The following EVL variants were observed in gnomAD, a reference collection of about 807,000 sequenced individuals.
EVL encodes Enah/Vasp-like.
EVL carries 21 observed loss-of-function variants against 59.6 expected under a neutral mutation model. That is an observed-to-expected ratio of 0.35 (90% CI 0.25 to 0.51). The LOEUF is 0.51. EVL is among the 20% of genes least tolerant of loss of function. The pLI, the probability that EVL is intolerant of heterozygous loss-of-function variation, is 0.97. For synonymous variants in EVL, 198 were observed against 203.5 expected (o/e 0.97, Z 0.23); for missense variants, 462 against 546.6 (o/e 0.85, Z 1.54).
At chr14:100,141,674 C>T (rs2140410507) in intron 12 of EVL, 62 bp from the exon 13 acceptor site, 1 of 1,562,764 alleles carries the variant, frequency 6.4e-7, no homozygotes, top group Non-Finnish European at 8.8e-7. Context: ...CATGGCCCAG[C>T]CCAGGCCGGC....
At chr14:99,980,811 T>C (rs1481552047) in intron 1 of EVL, among the ~76,000 whole-genome samples, 2 of 152,250 alleles carry the variant, frequency 1.3e-5, no homozygotes, top group Non-Finnish European at 2.9e-5. Flanking sequence ...GTGATTTTAA[T>C]TTGAGCGGCA....
chr14:100,076,715 A>G (rs1486679869), intron 1 of EVL, among the ~76,000 whole-genome samples: 1 of 152,220 alleles, frequency 6.6e-6, no homozygotes, highest in East Asian at 1.9e-4. Context: ...GGCCTGAGCC[A>G]CAGCAGAGGC....
At chr14:100,074,795 G>C (rs948822931) in intron 1 of EVL, 7 of 152,682 alleles carry the variant, frequency 4.6e-5, no homozygotes, top group African/African-American at 1.7e-4. Context: ...GCCATGCGGT[G>C]TCATGGCAGC....
chr14:100,061,723 G>A (rs1291550555), upstream of EVL, among the ~76,000 whole-genome samples: 1 of 152,052 alleles, frequency 6.6e-6, no homozygotes, highest in Non-Finnish European at 1.5e-5. Flanking sequence ...AACATAAGCA[G>A]TTGGTTAATA....
chr14:100,010,408 G>A (rs2061009280), intron 1 of EVL, among the ~76,000 whole-genome samples: 1 of 152,078 alleles, frequency 6.6e-6, no homozygotes, highest in East Asian at 1.9e-4. Context: ...GGTTGGTTTT[G>A]TTTGTTTGTT....
In EVL at chr14:100,126,736, G is replaced by A. The variant is rs750787699; in HGVS notation, c.452G>A (p.Arg151His). Residue 151 changes from arginine (R) to histidine (H), a missense_variant, in exon 5 of 14, where the codon CGT becomes CAT. By Grantham distance (29) the Arg-to-His change is conservative. Coordinates refer to ENST00000392920, the MANE Select transcript of EVL (RefSeq NM_016337.3). ...GTGATGGAGCAGCACCAGCAGCAGC[G>A]TCAGGAATCTCTAGAAAGAAGAACC... ...RQVMEQHQQQ[R>H]QESLERRTSA... The A allele has an allele frequency of 2.5e-5, 40 of 1,613,994 alleles. No individual in the cohort carries two copies. The highest frequency in any genetic ancestry group is 3.3e-5 in the South Asian group (3 of 91,090).
intron 1 of EVL, chr14:99,977,121 C>A (rs2060775702): frequency 6.6e-6 from 1 of 152,146 alleles, no homozygotes; most frequent in Non-Finnish European, 1.5e-5. Context: ...AACAGTGACA[C>A]CTATTTTCTT....
chr14:100,090,364 A>T lies in EVL; in HGVS notation c.180+5509A>T, dbSNP rs191969864. Reference sequence around the variant, plus strand: ...TAGATAAGATGGACATATTCCTTGAAAAACATAAAGAAGAAACAATGCCAG... The same window carrying T: ...TAGATAAGATGGACATATTCCTTGATAAACATAAAGAAGAAACAATGCCAG... On this transcript the variant is annotated intron_variant, in intron 2 of 13. Coordinates refer to ENST00000392920, the MANE Select transcript of EVL (RefSeq NM_016337.3). 1.1e-3 allele frequency among the ~76,000 whole-genome samples: 163 copies of T among 152,346 alleles called. 1 individual carries two copies. Among genetic ancestry groups the T allele is most frequent in the Admixed American group, 3.2e-3 (49 of 15,308 alleles).
intron 1 of EVL, among the ~76,000 whole-genome samples, chr14:100,028,142 T>TTTTTG (rs1566974660): frequency 3.3e-4 from 48 of 144,432 alleles, no homozygotes; most frequent in East Asian, 1.2e-3. Flanking sequence ...TTGTTTTTTT[T>TTTTTG]TTTTTTTTTG....
At chr14:100,137,187 A>G in intron 9 of EVL, 1 of 261,090 alleles carries the variant, frequency 3.8e-6, no homozygotes, top group Non-Finnish European at 7.4e-6. Context: ...GAGGCAGACT[A>G]AGGAGCCCCT....
intron 1 of EVL, among the ~76,000 whole-genome samples, chr14:99,983,482 A>G (rs2060821295): frequency 6.6e-6 from 1 of 152,176 alleles, no homozygotes; most frequent in Non-Finnish European, 1.5e-5. Flanking sequence ...TGGAACTTAA[A>G]GAGACAGTGG....
chr14:100,097,459 TTC>T lies in EVL; in HGVS notation c.181-15_181-14del, dbSNP rs1885897050. 1.1e-5 allele frequency: 17 copies of T among 1,586,158 alleles called. No homozygotes were observed. Among genetic ancestry groups the T allele is most frequent in the Non-Finnish European group, 1.5e-5 (17 of 1,165,536 alleles). On this transcript the variant is annotated intron_variant, in intron 2 of 13. Coordinates refer to ENST00000392920, the MANE Select transcript of EVL (RefSeq NM_016337.3). ...TTACATTTTATTTATTTACACGTAT[TTC>T]TCTCTCCTTTCTCCTCCAGGTTGTG... is the stretch of plus-strand genomic sequence containing the variant.
intron 1 of EVL, among the ~76,000 whole-genome samples, chr14:100,024,644 G>A (rs908315423): frequency 3.3e-5 from 5 of 152,122 alleles, no homozygotes; most frequent in Admixed American, 6.6e-5. Flanking sequence ...CCTCTTCACT[G>A]GTTGTATCTC....
intron 1 of EVL, among the ~76,000 whole-genome samples, chr14:100,030,329 C>G (rs537494230): frequency 1.3e-5 from 2 of 151,884 alleles, no homozygotes; most frequent in African/African-American, 2.4e-5. Flanking sequence ...CTCAAACTCC[C>G]GACCTCAGGT....
rs73345502 is a variant in EVL, at chr14:100,028,200, T to C, written c.5+56143T>C. On this transcript the variant is annotated intron_variant, in intron 1 of 13. Transcript: ENST00000402714. ...AGTGTCCACAGTGGCTGTACTAATTTATATTCTCACCAGCAGTGTACAAGG... is the reference window on the plus strand; with the variant it reads ...AGTGTCCACAGTGGCTGTACTAATTCATATTCTCACCAGCAGTGTACAAGG... Among the ~76,000 whole-genome samples the C allele has an allele frequency of 8.6e-3, 1,301 of 151,222 alleles. 29 individuals are homozygous for C. Among genetic ancestry groups the C allele is most frequent in the African/African-American group, 0.03 (1,231 of 41,092 alleles).
chr14:100,017,464 T>C lies in EVL; in HGVS notation c.5+45407T>C, dbSNP rs2061059983. Among the ~76,000 whole-genome samples the C allele has an allele frequency of 3.9e-5, 6 of 152,334 alleles. No homozygotes were observed. In the South Asian group the frequency reaches 1.2e-3, roughly 32 times the overall value. Reference sequence around the variant, plus strand: ...TCATCTTGTGAGATAATAAAGCTGATGAAGATACTTATGTAACTTAATATA... The same window carrying C: ...TCATCTTGTGAGATAATAAAGCTGACGAAGATACTTATGTAACTTAATATA... On this transcript the variant is annotated intron_variant, in intron 1 of 13. Coordinates refer to the EVL transcript ENST00000402714.
At chr14:100,006,307 CAG>C (rs1181058024) in intron 1 of EVL, among the ~76,000 whole-genome samples, 1 of 129,224 alleles carries the variant, frequency 7.7e-6, no homozygotes, top group African/African-American at 3.0e-5. Flanking sequence ...TTTTTTGAGA[CAG>C]AGTTTCGTTC....
intron 2 of EVL, among the ~76,000 whole-genome samples, chr14:100,087,235 A>G (rs925979970): frequency 1.3e-5 from 2 of 152,228 alleles, no homozygotes; most frequent in Admixed American, 6.5e-5. Flanking sequence ...ATAGTAAGTT[A>G]TAGTACCATT....
At chr14:99,990,175 A>G (rs1228611505) in intron 1 of EVL, among the ~76,000 whole-genome samples, 1 of 152,174 alleles carries the variant, frequency 6.6e-6, no homozygotes, top group East Asian at 1.9e-4. Context: ...TCCTCCCTGA[A>G]TCACAAATAT....
Sources: allele counts gnomAD v4.1 joint callset (sites outside exome capture counted in the v4.1 genomes callset), GRCh38; gene constraint gnomAD v4.1.1; transcripts MANE v1.5; gene names NCBI Gene and HGNC (gene_info 2026-07-23, HGNC 2026-07-21).